GABRB3: variants seen among roughly 807,000 people sequenced by gnomAD.
The protein encoded by GABRB3 is gamma-aminobutyric acid type A receptor subunit beta3, also known as gamma-aminobutyric acid receptor subunit beta-3.
In GABRB3, 14 loss-of-function variants were observed where a neutral mutation model predicts 52.1. The observed-to-expected ratio is 0.27, with a 90% CI of 0.18 to 0.42. The LOEUF is 0.42. Among genes scored for constraint, GABRB3 ranks in the 10% least tolerant of loss-of-function variants. The pLI, the probability that GABRB3 is intolerant of heterozygous loss-of-function variation, is 1.00. For missense variants in GABRB3, 307 were observed against 609.1 expected (o/e 0.50, Z 5.22); for synonymous variants, 260 against 232.3 (o/e 1.12, Z -1.08).
rs1242193501 is a variant in GABRB3 at position 26,561,091 on chromosome 15, G to A, written c.921C>T (p.Asp307=). 6.2e-7 allele frequency: 1 copy of A among 1,614,218 alleles called. No individual in the cohort carries two copies. The highest frequency in any genetic ancestry group is 2.2e-5 in the East Asian group (1 of 44,872). ...LPKIPYVKAI[D]MYLMGCFVFV... is the part of the protein sequence containing the mutation. ...AGACGAAGCAGCCCATAAGGTACAT[G>A]TCAATGGCTTTGACATAGGGGATTT... The change falls in exon 8 of 9, where the codon GAC becomes GAT. Residue 307 remains aspartate, a synonymous_variant. Coordinates refer to ENST00000311550, the MANE Select transcript of GABRB3 (RefSeq NM_000814.6).
chr15:26,713,788 C>T (rs1419000806), intron 3 of GABRB3, among the ~76,000 whole-genome samples: 1 of 152,246 alleles, frequency 6.6e-6, no homozygotes, highest in Non-Finnish European at 1.5e-5. Flanking sequence ...AGGCAGCACA[C>T]TCCTGTGCCC....
intron 4 of GABRB3, among the ~76,000 whole-genome samples, chr15:26,609,351 T>C (rs1014367115): frequency 7.2e-5 from 11 of 152,092 alleles, no homozygotes; most frequent in Non-Finnish European, 1.3e-4. Flanking sequence ...GGGGCAATGA[T>C]TATCAAATGG....
At chr15:26,748,804 T>C (rs949302094) in intron 3 of GABRB3, among the ~76,000 whole-genome samples, 2 of 152,120 alleles carry the variant, frequency 1.3e-5, no homozygotes, top group African/African-American at 4.8e-5. Flanking sequence ...GGTGGGCAGA[T>C]CACTTGAGAC....
At position 26,640,133 on chromosome 15, in the gene GABRB3, G is replaced by A. The variant is rs955684425; in HGVS notation, c.241-18599C>T. 6.6e-5 allele frequency among the ~76,000 whole-genome samples: 10 copies of A among 152,162 alleles called. 1 individual carries two copies. In the South Asian group the frequency reaches 8.3e-4, roughly 13 times the overall value. On this transcript the variant is annotated intron_variant, in intron 3 of 8. Transcript: ENST00000311550. ...ACACTATTCATATTCAAATGAGCTC[G>A]AGGGAGTTATGACAGAGGTATGGAC... is the stretch of plus-strand genomic sequence containing the variant.
intron 3 of GABRB3, among the ~76,000 whole-genome samples, chr15:26,742,374 T>C (rs567779216): frequency 1.9e-5 from 2 of 105,258 alleles, no homozygotes; most frequent in East Asian, 2.6e-4. Context: ...TTCTGGTCTA[T>C]GATGTATTGA....
At chr15:26,552,198 G>T (rs1257683435) in intron 8 of GABRB3, among the ~76,000 whole-genome samples, 2 of 151,738 alleles carry the variant, frequency 1.3e-5, no homozygotes, top group Non-Finnish European at 2.9e-5. Flanking sequence ...GTAGAGATGG[G>T]GTTTCTCCAT....
At chr15:26,568,665 G>GT (rs138366725) in intron 6 of GABRB3, among the ~76,000 whole-genome samples, 44,265 of 118,028 alleles carry the variant, frequency 0.38, 9,804 homozygotes, top group East Asian at 0.72. Context: ...GCCCAGCTAG[G>GT]TTTTTTTTTT....
intron 3 of GABRB3, among the ~76,000 whole-genome samples, chr15:26,696,862 T>A (rs1888756440): frequency 6.6e-6 from 1 of 152,216 alleles, no homozygotes; most frequent in Admixed American, 6.5e-5. Flanking sequence ...GCATGTGTGC[T>A]CTGTGACCCC....
chr15:26,763,137 G>C (rs56901962), intron 3 of GABRB3, among the ~76,000 whole-genome samples: 8,102 of 152,186 alleles, frequency 0.053, 701 homozygotes, highest in African/African-American at 0.19. Context: ...GTGTATCAGT[G>C]GTGAGAAATT....
At chr15:26,740,242 G>A (rs957365829) in intron 3 of GABRB3, among the ~76,000 whole-genome samples, 22 of 152,016 alleles carry the variant, frequency 1.4e-4, no homozygotes, top group African/African-American at 5.1e-4. Flanking sequence ...AGCCCACAGG[G>A]GACACACTCC....
chr15:26,699,682 T>C (rs1053451474), intron 3 of GABRB3, among the ~76,000 whole-genome samples: 2 of 152,106 alleles, frequency 1.3e-5, no homozygotes, highest in Non-Finnish European at 2.9e-5. Context: ...GAAGTAGCTA[T>C]ACACTAGAAC....
At chr15:26,639,525 A>G (rs571361701) in intron 3 of GABRB3, among the ~76,000 whole-genome samples, 138 of 152,258 alleles carry the variant, frequency 9.1e-4, no homozygotes, top group African/African-American at 3.2e-3. Context: ...CAAACACTAC[A>G]TCATTTTATA....
chr15:26,670,342 G>A (rs1195990671), intron 3 of GABRB3, among the ~76,000 whole-genome samples: 2 of 152,290 alleles, frequency 1.3e-5, no homozygotes, highest in African/African-American at 4.8e-5. Context: ...CGGCGCACTG[G>A]ACAGACCCGG....
At chr15:26,763,517 C>A (rs1890876608) in intron 3 of GABRB3, among the ~76,000 whole-genome samples, 1 of 151,824 alleles carries the variant, frequency 6.6e-6, no homozygotes, top group African/African-American at 2.4e-5. Context: ...TAGAGAATTA[C>A]AGTCAGCATA....
intron 8 of GABRB3, among the ~76,000 whole-genome samples, chr15:26,554,148 A>ATATATATAAAG: frequency 1.8e-5 from 1 of 56,032 alleles, no homozygotes; most frequent in South Asian, 5.1e-4. Context: ...TATAAAGTAT[A>ATATATATAAAG]TATATATATA....
chr15:26,671,492 A>G (rs1478469445), intron 3 of GABRB3, among the ~76,000 whole-genome samples: 1 of 152,224 alleles, frequency 6.6e-6, no homozygotes, highest in Non-Finnish European at 1.5e-5. Context: ...GTGCCACTAA[A>G]AAGAGAATCT....
At chr15:26,593,011 G>A (rs1002243090) in intron 4 of GABRB3, among the ~76,000 whole-genome samples, 9 of 152,048 alleles carry the variant, frequency 5.9e-5, no homozygotes, top group South Asian at 2.1e-4. Flanking sequence ...TGAGACTCCC[G>A]TCAAAAAAGA....
intron 3 of GABRB3, among the ~76,000 whole-genome samples, chr15:26,644,850 G>C (rs1893307014): frequency 6.6e-6 from 1 of 152,140 alleles, no homozygotes; most frequent in South Asian, 2.1e-4. Context: ...TTCCACTCAG[G>C]GACACATCAG....
chr15:26,736,420 T>C (rs1173005524), intron 3 of GABRB3, among the ~76,000 whole-genome samples: 2 of 152,196 alleles, frequency 1.3e-5, no homozygotes, highest in African/African-American at 4.8e-5. Flanking sequence ...CTGAGGTAAA[T>C]GGTTAACAGT....
Sources: gnomAD v4.1 joint callset for allele counts (sites outside exome capture counted in the v4.1 genomes callset) on GRCh38, gnomAD v4.1.1 for gene constraint, MANE v1.5 for transcripts, NCBI Gene and HGNC (gene_info 2026-07-23, HGNC 2026-07-21) for gene names.